Variants in SUGCT observed in about 807,000 individuals in gnomAD.
SUGCT encodes the protein succinyl-CoA:glutarate CoA-transferase.
A neutral mutation model predicts 55.0 loss-of-function variants in SUGCT; 41 were observed. The observed-to-expected ratio is 0.74, with a 90% confidence interval of 0.58 to 0.97. SUGCT has a LOEUF of 0.97. Ranked by LOEUF, SUGCT falls within the 50% of genes least tolerant of loss-of-function variation. SUGCT has a pLI of 0.00. For synonymous variants in SUGCT, 187 were observed against 200.4 expected (o/e 0.93, Z 0.56); for missense variants, 568 against 547.8 (o/e 1.04, Z -0.37).
the SUGCT span, chr7:40,968,295 A>G: frequency 6.6e-6 from 1 of 152,360 alleles, no homozygotes; most frequent in East Asian, 1.9e-4. Context: ...GTCACACACC[A>G]AACCCCTTCT....
chr7:40,160,022 G>A (rs1409845080), intron 1 of SUGCT, among the ~76,000 whole-genome samples: 2 of 152,126 alleles, frequency 1.3e-5, no homozygotes, highest in African/African-American at 4.8e-5. Context: ...AAGAACATAA[G>A]CAGCCTCTGC....
chr7:40,854,419 C>CTTTCTTTCTTTCTTTCTTTCTTT (rs200586474), intron 13 of SUGCT, among the ~76,000 whole-genome samples: 6 of 88,804 alleles, frequency 6.8e-5, no homozygotes, highest in African/African-American at 1.9e-4. Flanking sequence ...TTCTTTCTTT[C>CTTTCTTTCTTTCTTTCTTTCTTT]CTTTCTTTCT....
chr7:40,150,957 C>T (rs192162734), intron 1 of SUGCT, among the ~76,000 whole-genome samples: 108 of 152,258 alleles, frequency 7.1e-4, no homozygotes, highest in African/African-American at 2.5e-3. Flanking sequence ...TTTATCTTGG[C>T]TGGGCACTGT....
At position 40,776,955 on chromosome 7, in the gene SUGCT, T is replaced by C. The variant is rs144261808; in HGVS notation, c.1153+27458T>C. On this transcript the variant is annotated intron_variant, in intron 13 of 13. Coordinates refer to ENST00000335693, the MANE Select transcript of SUGCT (RefSeq NM_001193313.2). The stretch of plus-strand genomic sequence containing the variant: ...CATGTAGTAAATATCAAGCCAAAGG[T>C]TGGTTTTTCTCCTCAGGAAGCTGTT... Among the ~76,000 whole-genome samples, 16 of 152,304 alleles carry C rather than the reference T, an allele frequency of 1.1e-4. No homozygotes were observed. The East Asian group carries it at 3.1e-3, about 29-fold the overall frequency.
chr7:41,013,455 T>C, the SUGCT span, among the ~76,000 whole-genome samples: 3 of 152,188 alleles, frequency 2.0e-5, no homozygotes, highest in African/African-American at 7.2e-5. Flanking sequence ...TTGGAGTCAT[T>C]GACAGCCAGT....
At chr7:40,277,039 T>C (rs947820842) in intron 8 of SUGCT, among the ~76,000 whole-genome samples, 12 of 152,132 alleles carry the variant, frequency 7.9e-5, no homozygotes, top group South Asian at 6.2e-4. Context: ...CCAAGGAAGA[T>C]GTGAAAAGAT....
At chr7:40,884,191 G>T in the SUGCT span, among the ~76,000 whole-genome samples, 1 of 152,166 alleles carries the variant, frequency 6.6e-6, no homozygotes, top group Non-Finnish European at 1.5e-5. Context: ...AACTTTCCAA[G>T]CCAGCAATAG....
At chr7:40,615,876 A>G (rs1191429733) in intron 12 of SUGCT, among the ~76,000 whole-genome samples, 1 of 152,192 alleles carries the variant, frequency 6.6e-6, no homozygotes, top group Non-Finnish European at 1.5e-5. Context: ...CCTTCACTGC[A>G]TGGAAAGTAA....
the SUGCT span, among the ~76,000 whole-genome samples, chr7:40,883,923 C>T: frequency 6.6e-6 from 1 of 152,166 alleles, no homozygotes; most frequent in South Asian, 2.1e-4. Context: ...CCAGTAAATT[C>T]AGTTTCCATA....
intron 13 of SUGCT, among the ~76,000 whole-genome samples, chr7:40,853,225 C>T (rs1341367453): frequency 6.6e-6 from 1 of 152,026 alleles, no homozygotes; most frequent in Non-Finnish European, 1.5e-5. Context: ...TTAGTGTATA[C>T]ATACATTAAT....
the SUGCT span, among the ~76,000 whole-genome samples, chr7:41,006,852 A>G: frequency 1.3e-5 from 2 of 152,218 alleles, no homozygotes; most frequent in African/African-American, 2.4e-5. Context: ...AGTCATTGCA[A>G]TGATTACATA....
intron 9 of SUGCT, among the ~76,000 whole-genome samples, chr7:40,383,978 A>C (rs866684416): frequency 6.6e-6 from 1 of 152,274 alleles, no homozygotes; most frequent in Middle Eastern, 3.4e-3. Context: ...TTCGAGGCTC[A>C]GTCCTTTGGA....
intron 12 of SUGCT, among the ~76,000 whole-genome samples, chr7:40,605,990 G>T (rs1193304009): frequency 1.3e-5 from 2 of 152,158 alleles, no homozygotes; most frequent in Non-Finnish European, 2.9e-5. Flanking sequence ...TGAGCAGATT[G>T]CATCGTATTC....
intron 13 of SUGCT, among the ~76,000 whole-genome samples, chr7:40,821,234 G>C (rs1374016250): frequency 6.6e-6 from 1 of 151,934 alleles, no homozygotes; most frequent in Middle Eastern, 3.4e-3. Context: ...TCTTTTTTTT[G>C]TTGTGTCTCT....
intron 12 of SUGCT, among the ~76,000 whole-genome samples, chr7:40,500,918 C>G (rs1792249669): frequency 6.6e-6 from 1 of 151,970 alleles, no homozygotes; most frequent in Non-Finnish European, 1.5e-5. Context: ...CAAACACACC[C>G]ACACTCACTT....
intron 8 of SUGCT, among the ~76,000 whole-genome samples, chr7:40,306,744 A>G (rs1419490972): frequency 2.0e-5 from 3 of 152,228 alleles, no homozygotes; most frequent in African/African-American, 7.2e-5. Context: ...TTGTTTTTCT[A>G]CATTTCCACT....
chr7:40,655,877 C>T (rs891437201), intron 12 of SUGCT, among the ~76,000 whole-genome samples: 2 of 152,072 alleles, frequency 1.3e-5, no homozygotes, highest in Non-Finnish European at 2.9e-5. Flanking sequence ...TGCCATACTA[C>T]TGATGTTTTA....
At chr7:40,928,326 T>G in the SUGCT span, among the ~76,000 whole-genome samples, 3 of 152,100 alleles carry the variant, frequency 2.0e-5, no homozygotes, top group Admixed American at 2.0e-4. Context: ...ATCTCTTCAC[T>G]AGTTTCAGTT....
At chr7:40,176,168 G>C (rs976753749) in intron 1 of SUGCT, among the ~76,000 whole-genome samples, 3 of 151,862 alleles carry the variant, frequency 2.0e-5, no homozygotes, top group Non-Finnish European at 4.4e-5. Flanking sequence ...GGAGGTGGAG[G>C]TTGCAGTGAG....
Sources: gnomAD v4.1 joint callset for allele counts (sites outside exome capture counted in the v4.1 genomes callset) on GRCh38, gnomAD v4.1.1 for gene constraint, MANE v1.5 for transcripts, NCBI Gene and HGNC (gene_info 2026-07-23, HGNC 2026-07-21) for gene names.